NAV1: variants seen among roughly 807,000 people sequenced by gnomAD.
The protein encoded by NAV1 is pore membrane and/or filament interacting like protein 3.
NAV1 carries 18 observed loss-of-function variants against 175.2 expected under a neutral mutation model. The ratio of observed to expected loss-of-function variants is 0.10; its 90% CI spans 0.07 to 0.15. NAV1 has a LOEUF of 0.15. Ranked by LOEUF, NAV1 falls within the 10% of genes least tolerant of loss-of-function variation. The pLI is 1.00. For synonymous variants in NAV1, 897 were observed against 978.7 expected, an observed-to-expected ratio of 0.92 and a Z score of 1.56; for missense variants, 1,731 against 2,436.6, an observed-to-expected ratio of 0.71 and a Z score of 6.10.
At chr1:201,739,865 T>G in intron 3 of NAV1, 1 of 1,280,418 alleles carries the variant, frequency 7.8e-7, no homozygotes, top group Non-Finnish European at 9.9e-7. Context: ...GCCCTGGTGG[T>G]GGGGAGAAAA....
intron 1 of NAV1, among the ~76,000 whole-genome samples, chr1:201,685,365 G>A (rs1025274972): frequency 2.6e-5 from 4 of 152,202 alleles, no homozygotes; most frequent in Non-Finnish European, 5.9e-5. Flanking sequence ...ATTTAATTGA[G>A]TTTAGAGAAA....
Position 201,808,446 on chromosome 1 carries a change from A to C in NAV1, c.3874A>C (p.Arg1292=). 1 of 1,614,092 alleles carries C rather than the reference A, an allele frequency of 6.2e-7. No individual in the cohort carries two copies. Among genetic ancestry groups the C allele is most frequent in the Non-Finnish European group, 8.5e-7 (1 of 1,179,938 alleles). The stretch of plus-strand genomic sequence containing the variant: ...CCCTGCTCACCCAGCCCCCCACACT[A>C]GGCTGTTCCATGCAAATGAGGAGGA... Residue 1292 remains arginine (R), a synonymous_variant, in exon 19 of 30, where the codon AGG becomes CGG. Coordinates refer to ENST00000367296, the Ensembl canonical transcript of NAV1. The surrounding 1 kb of genome is among the most constrained non-coding windows in gnomAD (Gnocchi z 5.5).
intron 3 of NAV1, among the ~76,000 whole-genome samples, chr1:201,757,666 G>T (rs577165899): frequency 2.6e-5 from 4 of 152,346 alleles, no homozygotes; most frequent in African/African-American, 9.6e-5. Context: ...CTGACCAGGG[G>T]CATCTGCCAT....
intron 1 of NAV1, among the ~76,000 whole-genome samples, chr1:201,664,955 A>G (rs1050724341): frequency 3.9e-5 from 6 of 152,078 alleles, no homozygotes; most frequent in African/African-American, 9.7e-5. Flanking sequence ...CTTGCTTTTC[A>G]GGTCCTGCCT....
upstream of NAV1, among the ~76,000 whole-genome samples, chr1:201,622,278 C>A (rs117288089): frequency 6.6e-6 from 1 of 152,142 alleles, no homozygotes; most frequent in Non-Finnish European, 1.5e-5. Context: ...CAGCATTTGC[C>A]AATTTACAAG....
In NAV1 at chr1:201,679,827, A is replaced by G. The variant is rs140067804; in HGVS notation, c.757+30402A>G. On this transcript the variant is annotated intron_variant, in intron 1 of 29. Transcript: ENST00000367296. ...CAAAGAGGGATGTGGGGCATGGAGC[A>G]TAGGTTTGTCATTCCTATATAAATC... is the stretch of plus-strand genomic sequence containing the variant. Among the ~76,000 whole-genome samples the G allele has an allele frequency of 9.3e-3, 1,411 of 152,284 alleles. 28 individuals carry two copies. The highest frequency in any genetic ancestry group is 0.032 in the African/African-American group (1,317 of 41,556).
intron 1 of NAV1, chr1:201,672,999 C>T (rs956794601): frequency 1.3e-5 from 2 of 152,118 alleles, no homozygotes; most frequent in African/African-American, 2.4e-5. Context: ...GCAAGCAGTA[C>T]CGAAGAAAAG....
exon 30 of NAV1, chr1:201,822,829 G>GA (rs1272918443): frequency 6.6e-6 from 1 of 152,630 alleles, no homozygotes; most frequent in African/African-American, 2.4e-5. Flanking sequence ...TCTCATGAAG[G>GA]AATCACAGTT....
chr1:201,561,208 C>T (rs969073428), intron 1 of NAV1, among the ~76,000 whole-genome samples: 2 of 152,186 alleles, frequency 1.3e-5, no homozygotes, highest in Admixed American at 1.3e-4. Flanking sequence ...TCGGCAGTCC[C>T]TCTTGCTGCT....
chr1:201,590,644 G>A (rs538213927), intron 2 of NAV1, among the ~76,000 whole-genome samples: 1 of 152,374 alleles, frequency 6.6e-6, no homozygotes, highest in South Asian at 2.1e-4. Context: ...AGGGCTGCAG[G>A]GGAAGCTGCT....
At chr1:201,726,191 G>A (rs1169566332) in intron 3 of NAV1, among the ~76,000 whole-genome samples, 1 of 152,122 alleles carries the variant, frequency 6.6e-6, no homozygotes, top group Non-Finnish European at 1.5e-5. Flanking sequence ...TCAATCCTAA[G>A]CACGGCTCTA....
intron 1 of NAV1, among the ~76,000 whole-genome samples, chr1:201,556,761 C>T (rs1571819136): frequency 6.6e-6 from 1 of 152,180 alleles, no homozygotes; most frequent in African/African-American, 2.4e-5. Flanking sequence ...GTCCTTGGGG[C>T]CCTCTCTGGA....
chr1:201,771,349 TA>T (rs1456429987), intron 3 of NAV1, among the ~76,000 whole-genome samples: 4 of 150,808 alleles, frequency 2.7e-5, no homozygotes, highest in African/African-American at 9.8e-5. Flanking sequence ...CATCTCTACT[TA>T]AAATACAAAA....
intron 1 of NAV1, among the ~76,000 whole-genome samples, chr1:201,670,075 T>G (rs902941153): frequency 1.3e-5 from 2 of 152,030 alleles, no homozygotes; most frequent in African/African-American, 2.4e-5. Flanking sequence ...CCTTTAGTTT[T>G]CTAATAGGGA....
intron 1 of NAV1, among the ~76,000 whole-genome samples, chr1:201,655,924 A>G (rs1371539861): frequency 6.6e-6 from 1 of 151,448 alleles, no homozygotes; most frequent in Non-Finnish European, 1.5e-5. Flanking sequence ...CCATTAGGGG[A>G]GAATGAGGAC....
At chr1:201,680,262 C>A in intron 1 of NAV1, among the ~76,000 whole-genome samples, 1 of 152,180 alleles carries the variant, frequency 6.6e-6, no homozygotes, top group Non-Finnish European at 1.5e-5. Context: ...GTAATCCCAG[C>A]ACTTTGGGAG....
intron 1 of NAV1, among the ~76,000 whole-genome samples, chr1:201,678,582 A>G (rs1018746280): frequency 5.3e-5 from 8 of 152,206 alleles, no homozygotes; most frequent in Non-Finnish European, 7.3e-5. Flanking sequence ...TAGTAACTTC[A>G]GCCCCTTCAG....
At chr1:201,542,176 G>A (rs1030323971) in intron 1 of NAV1, among the ~76,000 whole-genome samples, 1 of 152,154 alleles carries the variant, frequency 6.6e-6, no homozygotes, top group African/African-American at 2.4e-5. Flanking sequence ...CTGGCTTTCA[G>A]TTTAGGGCTC....
intron 29 of NAV1, among the ~76,000 whole-genome samples, chr1:201,818,923 C>T (rs370130666): frequency 3.9e-5 from 6 of 152,096 alleles, no homozygotes; most frequent in Admixed American, 2.6e-4. Flanking sequence ...TTAATAATCA[C>T]GTAGACAGAA....
Sources: allele counts gnomAD v4.1 joint callset (sites outside exome capture counted in the v4.1 genomes callset), GRCh38; gene constraint gnomAD v4.1.1; non-coding constraint Gnocchi (gnomAD v3.1); transcripts MANE v1.5; gene names NCBI Gene and HGNC (gene_info 2026-07-23, HGNC 2026-07-21).